The following NEK11 variants were observed in gnomAD, a reference collection of about 807,000 sequenced individuals.
NEK11 encodes serine/threonine-protein kinase Nek11.
NEK11 carries 72 observed loss-of-function variants against 80.7 expected under a neutral mutation model. The observed-to-expected ratio is 0.89, with a 90% CI of 0.74 to 1.08. The LOEUF (loss-of-function observed/expected upper bound fraction) is 1.08, where lower values mean the gene tolerates loss of function less well. Ranked by LOEUF, NEK11 falls within the 50% of genes least tolerant of loss-of-function variation. The probability of loss-of-function intolerance (pLI) is 0.00; values close to 1 mark genes in which losing one functional copy is unlikely to be tolerated. For missense variants in NEK11, 764 were observed against 763.6 expected (o/e 1.00, Z -0.01); for synonymous variants, 251 against 260.7 (o/e 0.96, Z 0.36).
At chr3:131,267,368 T>C (rs13070160) in intron 16 of NEK11, among the ~76,000 whole-genome samples, 343 of 152,366 alleles carry the variant, frequency 2.3e-3, no homozygotes, top group Middle Eastern at 0.014. Flanking sequence ...TCAGGAGCTC[T>C]TGTAAGGCAG....
intron 2 of NEK11, 29 bp from the exon 3 acceptor site, chr3:131,029,584 A>G (rs2064478634): frequency 2.2e-6 from 2 of 909,982 alleles, no homozygotes. Context: ...CAACCTTTAG[A>G]CCTGATCTTT....
At chr3:131,232,601 T>C (rs1207836654) in intron 15 of NEK11, among the ~76,000 whole-genome samples, 2 of 152,200 alleles carry the variant, frequency 1.3e-5, no homozygotes, top group Non-Finnish European at 2.9e-5. Context: ...TCAATGCTTT[T>C]TCCCCAAATC....
intron 5 of NEK11, among the ~76,000 whole-genome samples, chr3:131,129,882 T>C (rs1447061445): frequency 1.3e-5 from 2 of 148,212 alleles, no homozygotes; most frequent in Admixed American, 6.6e-5. Flanking sequence ...TCCTCCAACA[T>C]TGTTGTTCTC....
intron 15 of NEK11, among the ~76,000 whole-genome samples, chr3:131,232,537 CT>C (rs773292961): frequency 5.3e-4 from 80 of 152,178 alleles, no homozygotes; most frequent in Non-Finnish European, 8.4e-4. Context: ...GGTGTTTGTT[CT>C]TCCTAAGATG....
At chr3:131,314,896 TTAAA>T (rs2096820949) in intron 17 of NEK11, among the ~76,000 whole-genome samples, 1 of 152,202 alleles carries the variant, frequency 6.6e-6, no homozygotes, top group Non-Finnish European at 1.5e-5. Context: ...AAGCTTCAAG[TTAAA>T]TAGTTTAAAA....
intron 3 of NEK11, among the ~76,000 whole-genome samples, chr3:131,080,039 T>TGTGTGTG (rs2074999826): frequency 6.7e-6 from 1 of 148,852 alleles, no homozygotes; most frequent in East Asian, 2.0e-4. Context: ...GTGTGTGTGT[T>TGTGTGTG]TGTGTGTGTG....
chr3:131,239,471 A>G (rs1047665495), intron 15 of NEK11, among the ~76,000 whole-genome samples: 8 of 152,182 alleles, frequency 5.3e-5, no homozygotes, highest in African/African-American at 1.9e-4. Context: ...AAAGCAAAGC[A>G]TGCATGCATC....
At chr3:131,284,613 G>A (rs983053069) in intron 17 of NEK11, among the ~76,000 whole-genome samples, 1 of 152,210 alleles carries the variant, frequency 6.6e-6, no homozygotes, top group Admixed American at 6.5e-5. Flanking sequence ...AGTGGACTGG[G>A]AGAAGCAGAC....
intron 17 of NEK11, among the ~76,000 whole-genome samples, chr3:131,310,011 A>AC (rs1453822512): frequency 6.8e-6 from 1 of 148,118 alleles, no homozygotes; most frequent in Admixed American, 6.7e-5. Flanking sequence ...AAAAAAAAAA[A>AC]AAAAAAAAAA....
chr3:131,206,600 A>G (rs902056643), intron 14 of NEK11, among the ~76,000 whole-genome samples: 2 of 152,228 alleles, frequency 1.3e-5, no homozygotes, highest in Admixed American at 6.5e-5. Context: ...AAGAAACAAT[A>G]AAAATATGCA....
chr3:131,049,347 C>T (rs931364851), intron 3 of NEK11, among the ~76,000 whole-genome samples: 4 of 152,138 alleles, frequency 2.6e-5, no homozygotes, highest in South Asian at 4.1e-4. Flanking sequence ...AGATGATTGA[C>T]GGTTGCTAGT....
At chr3:131,249,187 G>T (rs1411724153) in intron 16 of NEK11, among the ~76,000 whole-genome samples, 1 of 152,074 alleles carries the variant, frequency 6.6e-6, no homozygotes, top group African/African-American at 2.4e-5. Flanking sequence ...ACTTGAGAAA[G>T]ATATAAAGCA....
At chr3:131,028,519 T>C (rs1016942388) in intron 2 of NEK11, among the ~76,000 whole-genome samples, 4 of 152,200 alleles carry the variant, frequency 2.6e-5, no homozygotes, top group Non-Finnish European at 5.9e-5. Flanking sequence ...TTTTACTTTG[T>C]ACCTACTCAT....
rs1280493412 is a variant in NEK11 at position 131,337,284 on chromosome 3, C to G, written c.1719-12273C>G. 2.0e-5 allele frequency among the ~76,000 whole-genome samples: 3 copies of G among 151,826 alleles called. No homozygotes were observed. In the East Asian group the frequency reaches 5.8e-4, roughly 29 times the overall value. On this transcript the variant is annotated intron_variant, in intron 17 of 17. Transcript: ENST00000383366. ...TATACACCATGGAATACTATGCAGCCATAAAAAATGATGAGTTCATGTCCT... is the reference window on the plus strand; with the variant it reads ...TATACACCATGGAATACTATGCAGCGATAAAAAATGATGAGTTCATGTCCT...
intron 14 of NEK11, among the ~76,000 whole-genome samples, chr3:131,209,406 G>C (rs950115252): frequency 4.6e-5 from 7 of 152,180 alleles, no homozygotes; most frequent in Admixed American, 4.6e-4. Context: ...TTTTTGTATT[G>C]ATGTTCATCA....
chr3:131,027,089 TC>T (rs1368282925), intron 1 of NEK11, 83 bp downstream of exon 1: 2 of 152,282 alleles, frequency 1.3e-5, no homozygotes, highest in Non-Finnish European at 2.9e-5. Flanking sequence ...CGGGCTGGGT[TC>T]CGAATCTCTA....
At chr3:131,083,404 C>A (rs907096673) in intron 4 of NEK11, among the ~76,000 whole-genome samples, 5 of 152,234 alleles carry the variant, frequency 3.3e-5, no homozygotes, top group East Asian at 1.9e-4. Context: ...GCCGCCTGGG[C>A]TCTGTGTGCC....
chr3:131,056,137 C>T (rs1251110660), intron 3 of NEK11, among the ~76,000 whole-genome samples: 1 of 152,130 alleles, frequency 6.6e-6, no homozygotes, highest in Non-Finnish European at 1.5e-5. Context: ...GCCTTGAGAT[C>T]AGTGAAGACT....
Position 131,062,327 on chromosome 3 carries a change from C to T in NEK11, c.171-18096C>T, listed in dbSNP as rs144105273. ...AGGTATTCAACCTTGTGATCTGAAC[C>T]GGAGAACCTTCCAGGTTAAAGGCTA... On this transcript the variant is annotated intron_variant, in intron 3 of 17. Coordinates refer to ENST00000383366, the MANE Select transcript of NEK11 (RefSeq NM_024800.5). 1.3e-4 allele frequency among the ~76,000 whole-genome samples: 20 copies of T among 152,308 alleles called. No individual in the cohort carries two copies. The East Asian group carries it at 2.1e-3, about 16-fold the overall frequency.
Sources: gnomAD v4.1 joint callset for allele counts (sites outside exome capture counted in the v4.1 genomes callset) on GRCh38, gnomAD v4.1.1 for gene constraint, MANE v1.5 for transcripts, NCBI Gene and HGNC (gene_info 2026-07-23, HGNC 2026-07-21) for gene names.